The following DYSF variants were observed in gnomAD, a reference collection of about 807,000 sequenced individuals.
The protein encoded by DYSF is dysferlin, also known as dystrophy-associated fer-1-like 1.
DYSF carries 212 observed loss-of-function variants against 274.9 expected under a neutral mutation model. The ratio of observed to expected loss-of-function variants is 0.77; its 90% CI spans 0.69 to 0.86. The LOEUF (loss-of-function observed/expected upper bound fraction) is 0.86, where lower values mean the gene tolerates loss of function less well. Ranked by LOEUF, DYSF falls within the 40% of genes least tolerant of loss-of-function variation. DYSF has a pLI of 0.00. For synonymous variants in DYSF, 1,091 were observed against 1,078.7 expected (o/e 1.01, Z -0.22); for missense variants, 2,666 against 2,783.2 (o/e 0.96, Z 0.95).
At chr2:71,480,735 G>C in intron 1 of DYSF, 148 bp from the exon 2 acceptor site, 1 of 731,492 alleles carries the variant, frequency 1.4e-6, no homozygotes, top group Non-Finnish European at 2.5e-6. Context: ...ATTCATTGCA[G>C]ACTGGCGGGT....
At chr2:71,605,431 G>A (rs2093628312) in intron 36 of DYSF, among the ~76,000 whole-genome samples, 1 of 152,214 alleles carries the variant, frequency 6.6e-6, no homozygotes, top group African/African-American at 2.4e-5. Flanking sequence ...CAGCAGCTGA[G>A]GTGATCGTGG....
intron 1 of DYSF, among the ~76,000 whole-genome samples, chr2:71,461,195 G>A (rs2081271827): frequency 6.6e-6 from 1 of 152,090 alleles, no homozygotes; most frequent in Non-Finnish European, 1.5e-5. Context: ...AGCTAGACAC[G>A]AAACGGGTGA....
chr2:71,526,425 C>CGGGGGGGGGGGGGGGGGGCGTGGGGGGGG, intron 13 of DYSF, 79 bp downstream of exon 13: 1 of 360,048 alleles, frequency 2.8e-6, no homozygotes. Context: ...CGATGGCGGG[C>CGGGGGGGGGGGGGGGGGGCGTGGGGGGGG]GGGGTCAGCT....
chr2:71,654,638 T>C (rs2152935684), intron 42 of DYSF, among the ~76,000 whole-genome samples: 1 of 148,460 alleles, frequency 6.7e-6, no homozygotes, highest in African/African-American at 2.5e-5. Flanking sequence ...AAAATAATAA[T>C]ATTGAAAAAC....
At chr2:71,666,647 T>C (rs1180168585) in intron 47 of DYSF, among the ~76,000 whole-genome samples, 3 of 152,194 alleles carry the variant, frequency 2.0e-5, no homozygotes. Context: ...GTAGCACCAG[T>C]TTTTGACCCA....
chr2:71,471,406 A>G lies in DYSF; in HGVS notation c.91+4473A>G, dbSNP rs377546909. ...GGTTGTTGCCACAGGGGTTGGGGGCACAGGGTGTTTATCTACAGGGTAGAG... is the reference window on the plus strand; with the variant it reads ...GGTTGTTGCCACAGGGGTTGGGGGCGCAGGGTGTTTATCTACAGGGTAGAG... On this transcript the variant is annotated intron_variant, in intron 1 of 55. Coordinates refer to ENST00000410020, the MANE Select transcript of DYSF (RefSeq NM_001130987.2). Among the ~76,000 whole-genome samples the G allele has an allele frequency of 2.4e-3, 372 of 152,272 alleles. 3 individuals carry two copies. Among genetic ancestry groups the G allele is most frequent in the African/African-American group, 8.4e-3 (350 of 41,552 alleles).
chr2:71,528,410 C>T lies in DYSF; in HGVS notation c.1380+9C>T, dbSNP rs1573760922. 1.9e-6 allele frequency: 3 copies of T among 1,611,004 alleles called. No individual in the cohort carries two copies. The highest frequency in any genetic ancestry group is 1.3e-5 in the African/African-American group (1 of 74,976). On this transcript the variant is annotated intron_variant, in intron 14 of 55. Coordinates refer to ENST00000410020, the MANE Select transcript of DYSF (RefSeq NM_001130987.2). ...GCTTTGCGGGGAAAATGGTAAGGAG[C>T]AAGGGAGCAGGAGGGTTCTCTCGGG...
At chr2:71,612,050 C>G (rs1287520899) in intron 38 of DYSF, among the ~76,000 whole-genome samples, 1 of 152,196 alleles carries the variant, frequency 6.6e-6, no homozygotes, top group Non-Finnish European at 1.5e-5. Context: ...CTCCAGGCCT[C>G]TCCACCTCCC....
At chr2:71,546,125 G>A (rs2090447708) in intron 17 of DYSF, among the ~76,000 whole-genome samples, 3 of 152,242 alleles carry the variant, frequency 2.0e-5, no homozygotes, top group Admixed American at 2.0e-4. Flanking sequence ...CCTTTCTGGG[G>A]CCAGGGCCTC....
In DYSF at chr2:71,615,371, G is replaced by C. The variant is rs539573761; in HGVS notation, c.4464+1961G>C. Among the ~76,000 whole-genome samples, 538 of 152,236 alleles carry C rather than the reference G, an allele frequency of 3.5e-3. 2 individuals are homozygous for C. Among genetic ancestry groups the C allele is most frequent in the African/African-American group, 0.013 (525 of 41,540 alleles). On this transcript the variant is annotated intron_variant, in intron 40 of 55. Transcript: ENST00000410020. The surrounding 1 kb of genome is among the most constrained non-coding windows in gnomAD (Gnocchi z 4.9). The stretch of plus-strand genomic sequence containing the variant: ...CTGGGCCTCCCCTGGCCTGGGACAG[G>C]GGAGGAGGAGGAAATGACACTGATT...
intron 30 of DYSF, among the ~76,000 whole-genome samples, chr2:71,589,116 A>G (rs1231882925): frequency 1.3e-5 from 2 of 152,088 alleles, no homozygotes; most frequent in African/African-American, 4.8e-5. Flanking sequence ...CAGAGTGGGA[A>G]CTGGTGAGAG....
chr2:71,486,153 T>G (rs1194856514), intron 3 of DYSF, among the ~76,000 whole-genome samples: 1 of 152,040 alleles, frequency 6.6e-6, no homozygotes, highest in Non-Finnish European at 1.5e-5. Context: ...AGCCACCCGT[T>G]TTGTTTGTGG....
At chr2:71,524,055 C>G (rs1020587229) in intron 12 of DYSF, among the ~76,000 whole-genome samples, 2 of 152,204 alleles carry the variant, frequency 1.3e-5, no homozygotes, top group Non-Finnish European at 2.9e-5. Context: ...TGATGTGACT[C>G]TTTCCAGAAT....
rs534331009 is a variant in DYSF at position 71,570,748 on chromosome 2, C to T, written c.3228+7C>T. The T allele has an allele frequency of 2.5e-5, 41 of 1,613,576 alleles. No individual in the cohort carries two copies. The East Asian group carries it at 8.0e-4, about 32-fold the overall frequency. On this transcript the variant is annotated splice_region_variant and intron_variant, in intron 29 of 55. Coordinates refer to ENST00000410020, the MANE Select transcript of DYSF (RefSeq NM_001130987.2). ...AATGGAAGCACTGAAAAGGGTGAGC[C>T]AGCAGGTGGTGGGTGGGAGTGAGGC... is the stretch of plus-strand genomic sequence containing the variant.
intron 4 of DYSF, among the ~76,000 whole-genome samples, chr2:71,506,182 C>T (rs1447719403): frequency 1.3e-5 from 2 of 151,966 alleles, no homozygotes; most frequent in East Asian, 3.9e-4. Flanking sequence ...GAGCTGTGGT[C>T]GAGGAAGTAG....
At chr2:71,478,340 C>T (rs111676051) in intron 1 of DYSF, among the ~76,000 whole-genome samples, 1,870 of 151,736 alleles carry the variant, frequency 0.012, 44 homozygotes, top group African/African-American at 0.043. Context: ...GCCTCCCGAG[C>T]AGCTGGGACT....
intron 21 of DYSF, among the ~76,000 whole-genome samples, chr2:71,555,738 G>A (rs1351349349): frequency 6.6e-6 from 1 of 152,210 alleles, no homozygotes; most frequent in Non-Finnish European, 1.5e-5. Flanking sequence ...GACTACATGT[G>A]AGGCTGGAGT....
At chr2:71,601,677 G>C (rs1340439403) in intron 35 of DYSF, 149 bp downstream of exon 35, 1 of 1,018,730 alleles carries the variant, frequency 9.8e-7, no homozygotes, top group East Asian at 2.6e-5. Context: ...GAGGGCCCGG[G>C]CTGGAGGGAG....
At chr2:71,536,690 ATC>A (rs1168728518) in intron 16 of DYSF, among the ~76,000 whole-genome samples, 3 of 152,218 alleles carry the variant, frequency 2.0e-5, no homozygotes, top group African/African-American at 7.2e-5. Context: ...TGGTGGTTGC[ATC>A]TCTGGTTTGG....
Sources: allele counts gnomAD v4.1 joint callset (sites outside exome capture counted in the v4.1 genomes callset), GRCh38; gene constraint gnomAD v4.1.1; non-coding constraint Gnocchi (gnomAD v3.1); transcripts MANE v1.5; gene names NCBI Gene and HGNC (gene_info 2026-07-23, HGNC 2026-07-21).